Variants in CDCA5 observed in about 807,000 individuals in gnomAD.
CDCA5 encodes cell division cycle associated 5, also known as sororin.
CDCA5 carries 14 observed loss-of-function variants against 25.7 expected under a neutral mutation model. The observed-to-expected ratio is 0.54, with a 90% CI of 0.36 to 0.85. The LOEUF (loss-of-function observed/expected upper bound fraction) is 0.85, where lower values mean the gene tolerates loss of function less well. Ranked by LOEUF, CDCA5 falls within the 40% of genes least tolerant of loss-of-function variation. The pLI, the probability that CDCA5 is intolerant of heterozygous loss-of-function variation, is 0.01. For missense variants in CDCA5, 307 were observed against 324.5 expected (o/e 0.95, Z 0.41); for synonymous variants, 127 against 128.7 (o/e 0.99, Z 0.09).
At chr11:65,072,382 C>T (rs950693902) in intron 1 of CDCA5, among the ~76,000 whole-genome samples, 2 of 152,116 alleles carry the variant, frequency 1.3e-5, no homozygotes, top group Admixed American at 6.5e-5. Context: ...AGGACCCAGG[C>T]GAGGAGGGAG....
At chr11:65,065,595 T>C (rs1422942584), downstream of CDCA5, among the ~76,000 whole-genome samples, 1 of 152,238 alleles carries the variant, frequency 6.6e-6, no homozygotes. Flanking sequence ...GCCCGGGTTA[T>C]GGGATTTTAA....
At chr11:65,073,557 G>C (rs1947382201), downstream of CDCA5, among the ~76,000 whole-genome samples, 1 of 152,222 alleles carries the variant, frequency 6.6e-6, no homozygotes, top group African/African-American at 2.4e-5. Context: ...TTCAGAGGCA[G>C]GGACCTCCAA....
exon 6 of CDCA5, chr11:65,066,588 TCCTGCAGGG>T: frequency 2.3e-6 from 3 of 1,289,404 alleles, no homozygotes; most frequent in Non-Finnish European, 3.0e-6. Flanking sequence ...CTGGCTTTCC[TCCTGCAGGG>T]CCTTCACTTC....
intron 2 of CDCA5, 35 bp from the exon 3 acceptor site, chr11:65,083,585 G>A (rs1947621558): frequency 6.2e-7 from 1 of 1,614,186 alleles, no homozygotes. Flanking sequence ...CTCAACATTA[G>A]GTGAGGGGCC....
chr11:65,062,956 C>T (rs1410414763), downstream of CDCA5, among the ~76,000 whole-genome samples: 4 of 152,196 alleles, frequency 2.6e-5, no homozygotes, highest in Non-Finnish European at 4.4e-5. Context: ...GCCCCAGAGT[C>T]CAGAGCAGTG....
rs1947510560 is a variant in CDCA5 at position 65,079,339 on chromosome 11, T to C, written c.678+14A>G. ...AGAGCACACGGCAGAGAAAAACCCC[T>C]GCCTCTCACTCACCAAGATCTCTGG... On this transcript the variant is annotated intron_variant, in intron 5 of 5. Coordinates refer to ENST00000275517, the MANE Select transcript of CDCA5 (RefSeq NM_080668.4). 3 of 1,614,028 alleles carry C rather than the reference T, an allele frequency of 1.9e-6. No individual in the cohort carries two copies. The highest frequency in any genetic ancestry group is 2.5e-6 in the Non-Finnish European group (3 of 1,179,998).
chr11:65,075,683 C>A (rs1284297083), downstream of CDCA5, among the ~76,000 whole-genome samples: 1 of 152,196 alleles, frequency 6.6e-6, no homozygotes, highest in Non-Finnish European at 1.5e-5. Flanking sequence ...CAGGAGTAGG[C>A]AAGCTGCTGG....
At chr11:65,074,357 G>A (rs1408228890), downstream of CDCA5, among the ~76,000 whole-genome samples, 1 of 152,208 alleles carries the variant, frequency 6.6e-6, no homozygotes, top group East Asian at 1.9e-4. Context: ...ACAAGTGTGA[G>A]CCACCGCGCC....
downstream of CDCA5, among the ~76,000 whole-genome samples, chr11:65,064,893 G>C (rs1947218494): frequency 6.6e-6 from 1 of 152,124 alleles, no homozygotes; most frequent in Non-Finnish European, 1.5e-5. Context: ...GAAGAAAAGA[G>C]ATGTTAGCTC....
chr11:65,071,967 C>T (rs186628599), intron 1 of CDCA5, among the ~76,000 whole-genome samples: 1 of 152,206 alleles, frequency 6.6e-6, no homozygotes, highest in Non-Finnish European at 1.5e-5. Flanking sequence ...TTCAACTCCA[C>T]AAATATTGAC....
chr11:65,082,224 G>A (rs1373767420), intron 4 of CDCA5, among the ~76,000 whole-genome samples: 4 of 151,966 alleles, frequency 2.6e-5, no homozygotes, highest in Non-Finnish European at 5.9e-5. Flanking sequence ...AACTTGACTC[G>A]GTCACTACCT....
Position 65,078,366 on chromosome 11 carries a change from T to G in CDCA5, c.*741A>C. 1.0e-6 allele frequency: 1 copy of G among 985,738 alleles called. No individual in the cohort carries two copies. The highest frequency in any genetic ancestry group is 1.7e-5 in the African/African-American group (1 of 57,336). The allele number at this position is 985,738 out of a possible 1,614,324, so 61.1% of individuals were successfully genotyped here. On this transcript the variant is annotated 3_prime_UTR_variant, in exon 6 of 6. Transcript: ENST00000275517. Reference sequence around the variant, plus strand: ...AGCACCTGGTGGCCACACCCTGAAATGCACCCTTTGCTCCAAGCAGCCAGC... The same window carrying G: ...AGCACCTGGTGGCCACACCCTGAAAGGCACCCTTTGCTCCAAGCAGCCAGC...
At chr11:65,083,827 AG>A in intron 1 of CDCA5, 104 bp from the exon 2 acceptor site, 1 of 1,588,274 alleles carries the variant, frequency 6.3e-7, no homozygotes, top group South Asian at 1.1e-5. Context: ...AGCCCTTTTA[AG>A]GGCGCCTCCT....
At chr11:65,072,935 A>ATTTTTT (rs1242662667), downstream of CDCA5, among the ~76,000 whole-genome samples, 2 of 127,154 alleles carry the variant, frequency 1.6e-5, no homozygotes, top group African/African-American at 6.1e-5. Context: ...GTATTATTTC[A>ATTTTTT]TTCTTTTTTT....
At chr11:65,061,437 A>G (rs1188584448), downstream of CDCA5, among the ~76,000 whole-genome samples, 1 of 152,158 alleles carries the variant, frequency 6.6e-6, no homozygotes, top group African/African-American at 2.4e-5. Context: ...GTGAGATAAT[A>G]CATGTTTATG....
intron 4 of CDCA5, among the ~76,000 whole-genome samples, chr11:65,081,496 A>C (rs1947566167): frequency 6.6e-6 from 1 of 151,946 alleles, no homozygotes. Context: ...CTCATTCTCT[A>C]TAGCCAAGCA....
chr11:65,083,159 T>C (rs1175731256), intron 4 of CDCA5: 1 of 598,140 alleles, frequency 1.7e-6, no homozygotes, highest in Non-Finnish European at 3.0e-6. Context: ...AGGAAAATGG[T>C]AGAAATACAC....
downstream of CDCA5, among the ~76,000 whole-genome samples, chr11:65,063,211 G>C (rs921976409): frequency 3.3e-5 from 5 of 152,248 alleles, no homozygotes; most frequent in African/African-American, 1.2e-4. Context: ...GCCCTCACAA[G>C]ATGGGGATGG....
intron 4 of CDCA5, among the ~76,000 whole-genome samples, chr11:65,081,988 G>A (rs1301809239): frequency 6.6e-6 from 1 of 152,154 alleles, no homozygotes; most frequent in African/African-American, 2.4e-5. Flanking sequence ...GAATTACATA[G>A]AGAAATGTGA....
Sources: allele counts gnomAD v4.1 joint callset (sites outside exome capture counted in the v4.1 genomes callset), GRCh38; gene constraint gnomAD v4.1.1; transcripts MANE v1.5; gene names NCBI Gene and HGNC (gene_info 2026-07-23, HGNC 2026-07-21).